The following EML5 variants were observed in gnomAD, a reference collection of about 807,000 sequenced individuals.
EML5 encodes EMAP like 5, also known as echinoderm microtubule-associated protein-like 5.
A neutral mutation model predicts 250.0 loss-of-function variants in EML5; 120 were observed. That is an observed-to-expected ratio of 0.48 (90% CI 0.41 to 0.56). EML5 has a LOEUF of 0.56. Ranked by LOEUF, EML5 falls within the 20% of genes least tolerant of loss-of-function variation. The pLI is 0.00. For synonymous variants in EML5, 771 were observed against 806.5 expected (o/e 0.96, Z 0.75); for missense variants, 2,006 against 2,437.6 (o/e 0.82, Z 3.73).
chr14:88,765,244 A>G (rs2094305364), intron 1 of EML5, among the ~76,000 whole-genome samples: 1 of 152,194 alleles, frequency 6.6e-6, no homozygotes, highest in South Asian at 2.1e-4. Flanking sequence ...CACAAGGCCA[A>G]AAGTCAAGGT....
At chr14:88,659,143 T>C (rs532548136) in intron 25 of EML5, among the ~76,000 whole-genome samples, 27 of 152,274 alleles carry the variant, frequency 1.8e-4, no homozygotes, top group South Asian at 6.2e-4. Flanking sequence ...TAAAGCAGGT[T>C]TTCCGTTAAC....
intron 19 of EML5, among the ~76,000 whole-genome samples, chr14:88,685,673 C>T (rs2092816192): frequency 1.3e-5 from 2 of 151,868 alleles, no homozygotes. Context: ...TGATCTCAAA[C>T]TCCTGGGCTC....
chr14:88,657,156 G>T (rs1330772421), intron 27 of EML5, among the ~76,000 whole-genome samples: 5 of 152,068 alleles, frequency 3.3e-5, no homozygotes, highest in Non-Finnish European at 7.4e-5. Flanking sequence ...ACTAAACCTG[G>T]ATTATTTTTA....
At chr14:88,645,295 G>T (rs747721679) in intron 29 of EML5, among the ~76,000 whole-genome samples, 1 of 152,180 alleles carries the variant, frequency 6.6e-6, no homozygotes, top group Non-Finnish European at 1.5e-5. Context: ...CAAAGTGCTG[G>T]GATTAGAGGA....
chr14:88,688,035 C>T (rs780078942), intron 18 of EML5, among the ~76,000 whole-genome samples: 33 of 152,130 alleles, frequency 2.2e-4, no homozygotes, highest in Non-Finnish European at 3.4e-4. Context: ...CACACCACTG[C>T]GCTCCAGCTT....
intron 30 of EML5, among the ~76,000 whole-genome samples, chr14:88,644,182 G>T (rs977434376): frequency 6.6e-6 from 1 of 152,186 alleles, no homozygotes; most frequent in East Asian, 1.9e-4. Flanking sequence ...ACATACTTAG[G>T]TTTAGGACTC....
At chr14:88,773,348 A>G (rs1452985479) in intron 1 of EML5, among the ~76,000 whole-genome samples, 1 of 152,258 alleles carries the variant, frequency 6.6e-6, no homozygotes, top group African/African-American at 2.4e-5. Flanking sequence ...AATAGAAAAC[A>G]AAAACTTTGC....
At chr14:88,650,677 T>C (rs1373628344) in intron 27 of EML5, among the ~76,000 whole-genome samples, 1 of 152,202 alleles carries the variant, frequency 6.6e-6, no homozygotes, top group Non-Finnish European at 1.5e-5. Flanking sequence ...CCCACTCTGC[T>C]GCCATAGCTG....
At chr14:88,754,962 G>A (rs905638690) in intron 1 of EML5, among the ~76,000 whole-genome samples, 5 of 152,030 alleles carry the variant, frequency 3.3e-5, no homozygotes, top group African/African-American at 9.7e-5. Context: ...CCGCCACCAC[G>A]CCCAGCTAAT....
Position 88,627,790 on chromosome 14 carries a change from C to T in EML5, c.4387G>A (p.Ala1463Thr). 2 of 1,605,260 alleles carry T rather than the reference C, an allele frequency of 1.2e-6. No individual in the cohort carries two copies. Among genetic ancestry groups the T allele is most frequent in the Non-Finnish European group, 1.7e-6 (2 of 1,176,134 alleles). The stretch of plus-strand genomic sequence containing the variant: ...ATAGATAAAGTCTGCTTGTTCATTG[C>T]ATCCCAGATGTGAATAGAAGGAGCT... ...ATAPSIHIWD[A>T]MNKQTLSILR... The change falls in exon 34 of 44, where the codon GCA becomes ACA. Residue 1463 changes from alanine to threonine, a missense_variant. By Grantham distance (58) the Ala-to-Thr change is moderately conservative. This residue lies in a region of EML5 where 1,375 missense variants were observed against 1,590.3 expected (regional missense o/e 0.86). Transcript: ENST00000554922.
chr14:88,687,071 C>T, intron 19 of EML5, 145 bp downstream of exon 19: 1 of 614,322 alleles, frequency 1.6e-6, no homozygotes, highest in Non-Finnish European at 2.8e-6. Flanking sequence ...ATTCTGGTAT[C>T]CAGTTAAGTG....
chr14:88,636,390 C>T (rs547285153), intron 32 of EML5, among the ~76,000 whole-genome samples: 19 of 152,154 alleles, frequency 1.2e-4, no homozygotes, highest in Non-Finnish European at 2.6e-4. Context: ...AGGCTGGGCA[C>T]GGTGGCTCAT....
At chr14:88,656,223 T>C (rs1435934919) in intron 27 of EML5, among the ~76,000 whole-genome samples, 3 of 152,136 alleles carry the variant, frequency 2.0e-5, no homozygotes, top group East Asian at 1.9e-4. Flanking sequence ...AACTCAAATG[T>C]CCATCAATAA....
At chr14:88,668,054 C>G (rs573405858) in intron 21 of EML5, among the ~76,000 whole-genome samples, 1 of 152,338 alleles carries the variant, frequency 6.6e-6, no homozygotes, top group African/African-American at 2.4e-5. Flanking sequence ...GCAGCCACAC[C>G]ATTTCCAAAC....
At chr14:88,752,691 A>T (rs2094113656) in intron 2 of EML5, among the ~76,000 whole-genome samples, 1 of 152,192 alleles carries the variant, frequency 6.6e-6, no homozygotes, top group East Asian at 1.9e-4. Context: ...CTGGCCCTCA[A>T]TGAGAACATG....
intron 21 of EML5, among the ~76,000 whole-genome samples, chr14:88,668,681 CCT>C (rs1355529534): frequency 1.4e-4 from 21 of 152,136 alleles, no homozygotes; most frequent in African/African-American, 4.6e-4. Context: ...ATCACAGTTC[CCT>C]GTTTTACTCA....
At chr14:88,673,345 G>A (rs745407209) in intron 21 of EML5, among the ~76,000 whole-genome samples, 6 of 152,160 alleles carry the variant, frequency 3.9e-5, no homozygotes, top group Admixed American at 2.6e-4. Flanking sequence ...ATCCCATCAC[G>A]TTAAAAATTC....
Position 88,646,960 on chromosome 14 carries a change from T to A in EML5, c.4020-5A>T. The A allele has an allele frequency of 1.3e-6, 2 of 1,593,020 alleles. No individual in the cohort carries two copies. The highest frequency in any genetic ancestry group is 1.7e-6 in the Non-Finnish European group (2 of 1,177,914). On this transcript the variant is annotated splice_region_variant and splice_polypyrimidine_tract_variant and intron_variant, in intron 28 of 43. Transcript: ENST00000554922. ...AGAGAGGATTACCTGGAACCTCTTT[T>A]CAGCAGCAGATAAAGAGGGAAAAAG...
rs140247575 is a variant in EML5 at position 88,666,511 on chromosome 14, C to T, written c.3125-1022G>A. Among the ~76,000 whole-genome samples the T allele has an allele frequency of 2.9e-3, 446 of 152,250 alleles. 1 individual carries two copies. The highest frequency in any genetic ancestry group is 0.01 in the African/African-American group (425 of 41,548). On this transcript the variant is annotated intron_variant, in intron 21 of 43. Transcript: ENST00000554922. ...AAAGTGCTGGGATTACAGGCATGAGCCACAGCACCTGGCCTATGAAACTAA... is the reference window on the plus strand; with the variant it reads ...AAAGTGCTGGGATTACAGGCATGAGTCACAGCACCTGGCCTATGAAACTAA...
Sources: allele counts gnomAD v4.1 joint callset (sites outside exome capture counted in the v4.1 genomes callset), GRCh38; gene constraint gnomAD v4.1.1; regional missense constraint gnomAD v4.1.1; transcripts MANE v1.5; gene names NCBI Gene and HGNC (gene_info 2026-07-23, HGNC 2026-07-21).